Variants in SLC4A10 observed in about 807,000 individuals in gnomAD.
SLC4A10 encodes the protein sodium-driven chloride bicarbonate exchanger.
Under a neutral mutation model 137.7 loss-of-function variants are expected in SLC4A10, and 42 were observed. The ratio of observed to expected loss-of-function variants is 0.30; its 90% CI spans 0.24 to 0.39. The LOEUF (loss-of-function observed/expected upper bound fraction) is 0.39, where lower values mean the gene tolerates loss of function less well. Ranked by LOEUF, SLC4A10 falls within the 10% of genes least tolerant of loss-of-function variation. SLC4A10 has a pLI of 1.00. For missense variants in SLC4A10, 925 were observed against 1,355.0 expected (o/e 0.68, Z 4.98); for synonymous variants, 474 against 464.1 (o/e 1.02, Z -0.27).
At chr2:161,650,368 G>A (rs1222450251) in intron 1 of SLC4A10, among the ~76,000 whole-genome samples, 3 of 152,248 alleles carry the variant, frequency 2.0e-5, no homozygotes, top group African/African-American at 7.2e-5. Flanking sequence ...GGCAGCAGTG[G>A]CCCGTCTGGA....
At chr2:161,955,968 T>G (rs1695590633) in intron 19 of SLC4A10, among the ~76,000 whole-genome samples, 1 of 152,178 alleles carries the variant, frequency 6.6e-6, no homozygotes, top group African/African-American at 2.4e-5. Context: ...CTTTTATTGA[T>G]TGCTTATTGT....
At chr2:161,781,613 T>C (rs998746199) in intron 2 of SLC4A10, among the ~76,000 whole-genome samples, 1 of 151,994 alleles carries the variant, frequency 6.6e-6, no homozygotes, top group Non-Finnish European at 1.5e-5. Flanking sequence ...TGCTAGTGTT[T>C]AGGTGAGAAC....
chr2:161,764,132 A>G (rs1287934381), intron 1 of SLC4A10, among the ~76,000 whole-genome samples: 2 of 152,164 alleles, frequency 1.3e-5, no homozygotes, highest in African/African-American at 4.8e-5. Context: ...AGACTGGTTG[A>G]CTGAATTATG....
chr2:161,812,187 G>C (rs1000058664), intron 3 of SLC4A10, among the ~76,000 whole-genome samples: 1 of 151,930 alleles, frequency 6.6e-6, no homozygotes, highest in Non-Finnish European at 1.5e-5. Context: ...AAATTGCTAA[G>C]ATTGACCTAA....
chr2:161,818,184 G>A (rs767129484), intron 3 of SLC4A10, among the ~76,000 whole-genome samples: 1 of 152,032 alleles, frequency 6.6e-6, no homozygotes, highest in African/African-American at 2.4e-5. Flanking sequence ...TCTCCTTGAC[G>A]AGGTCCTTCG....
intron 1 of SLC4A10, among the ~76,000 whole-genome samples, chr2:161,729,306 G>A (rs1483063914): frequency 4.6e-5 from 7 of 152,072 alleles, no homozygotes; most frequent in African/African-American, 1.2e-4. Context: ...AACAAAGAAC[G>A]CCTCCCCCAA....
intron 15 of SLC4A10, among the ~76,000 whole-genome samples, chr2:161,939,387 T>C (rs1176039865): frequency 6.6e-6 from 1 of 152,122 alleles, no homozygotes; most frequent in Non-Finnish European, 1.5e-5. Context: ...ATTTAGCTAA[T>C]TTTCTACACT....
chr2:161,891,631 GT>G (rs755827691), intron 10 of SLC4A10, among the ~76,000 whole-genome samples: 5 of 151,920 alleles, frequency 3.3e-5, no homozygotes, highest in South Asian at 2.1e-4. Context: ...CTTGTGTTGT[GT>G]TTTTCAGCTC....
chr2:161,964,182 A>C lies in SLC4A10; in HGVS notation c.2910A>C (p.Pro970=), dbSNP rs571773808. 2.5e-6 allele frequency: 4 copies of C among 1,612,814 alleles called. 1 individual carries two copies. In the African/African-American group the frequency reaches 5.3e-5, roughly 21 times the overall value. The change falls in exon 22 of 27, where the codon CCA becomes CCC. Residue 970 remains proline, a synonymous_variant. Coordinates refer to ENST00000446997, the MANE Select transcript of SLC4A10 (RefSeq NM_001178015.2). The part of the protein sequence containing the change: ...KLFWMPAKHQ[P]DFIYLRHVPL... ...TCTGGATGCCGGCAAAACATCAACC[A>C]GATTTTATATACCTAAGGCACGTAC...
chr2:161,777,801 G>A (rs1373030445), intron 2 of SLC4A10, among the ~76,000 whole-genome samples: 1 of 152,000 alleles, frequency 6.6e-6, no homozygotes, highest in African/African-American at 2.4e-5. Flanking sequence ...GATGAGATCT[G>A]GGTGGGGACA....
intron 4 of SLC4A10, among the ~76,000 whole-genome samples, chr2:161,853,495 C>G (rs1311803506): frequency 1.3e-5 from 2 of 152,110 alleles, no homozygotes; most frequent in African/African-American, 4.8e-5. Flanking sequence ...ATGGACTCAC[C>G]CAATTAAAAG....
chr2:161,960,574 G>A (rs1295455821), intron 21 of SLC4A10, among the ~76,000 whole-genome samples: 2 of 151,348 alleles, frequency 1.3e-5, no homozygotes, highest in African/African-American at 4.9e-5. Flanking sequence ...ACAAAAATCA[G>A]ACGGGTGTGG....
At chr2:161,747,758 G>A (rs2048533785) in intron 1 of SLC4A10, among the ~76,000 whole-genome samples, 1 of 152,134 alleles carries the variant, frequency 6.6e-6, no homozygotes, top group Non-Finnish European at 1.5e-5. Flanking sequence ...ATGAATATAG[G>A]AGGGCAGATA....
chr2:161,872,002 A>C (rs2061158998), intron 6 of SLC4A10, among the ~76,000 whole-genome samples: 1 of 152,168 alleles, frequency 6.6e-6, no homozygotes. Flanking sequence ...ATGATGCTTC[A>C]AAATCCTGGT....
chr2:161,696,935 G>A, intron 1 of SLC4A10, among the ~76,000 whole-genome samples: 1 of 152,092 alleles, frequency 6.6e-6, no homozygotes, highest in East Asian at 1.9e-4. Flanking sequence ...GTGTAAAAGT[G>A]TTCCTATTTC....
rs56223065 is a variant in SLC4A10, at chr2:161,832,897, C to A, written c.278-6892C>A. Among the ~76,000 whole-genome samples, 4 of 152,082 alleles carry A rather than the reference C, an allele frequency of 2.6e-5. No individual in the cohort carries two copies. The East Asian group carries it at 7.7e-4, about 29-fold the overall frequency. ...CTGGGATTACAGGCGCCTGCCACCA[C>A]GCCTGGCTAATTTTTTGTATTTTTA... On this transcript the variant is annotated intron_variant, in intron 3 of 26. Coordinates refer to ENST00000446997, the MANE Select transcript of SLC4A10 (RefSeq NM_001178015.2).
At chr2:161,793,198 C>T (rs1023312770) in intron 2 of SLC4A10, among the ~76,000 whole-genome samples, 1 of 151,966 alleles carries the variant, frequency 6.6e-6, no homozygotes, top group Admixed American at 6.6e-5. Flanking sequence ...TTATTATGTA[C>T]AACATGATGC....
intron 8 of SLC4A10, among the ~76,000 whole-genome samples, chr2:161,878,559 A>G (rs1161569675): frequency 6.6e-6 from 1 of 152,082 alleles, no homozygotes; most frequent in East Asian, 1.9e-4. Flanking sequence ...ATTTTTTTCT[A>G]CTGTGTCATA....
intron 5 of SLC4A10, among the ~76,000 whole-genome samples, chr2:161,859,458 T>A (rs983495982): frequency 6.6e-6 from 1 of 151,476 alleles, no homozygotes; most frequent in Non-Finnish European, 1.5e-5. Context: ...GCCCAGCTAA[T>A]TTTTTTGTAT....
Sources: allele counts gnomAD v4.1 joint callset (sites outside exome capture counted in the v4.1 genomes callset), GRCh38; gene constraint gnomAD v4.1.1; transcripts MANE v1.5; gene names NCBI Gene and HGNC (gene_info 2026-07-23, HGNC 2026-07-21).